Variants in SIRPD observed in about 807,000 individuals in gnomAD.
SIRPD encodes the protein signal regulatory protein delta, also known as signal-regulatory protein delta.
Under a neutral mutation model 18.0 loss-of-function variants are expected in SIRPD, and 21 were observed. The observed-to-expected ratio is 1.17, with a 90% CI of 0.83 to 1.68. SIRPD has a LOEUF of 1.68. Ranked by LOEUF, SIRPD falls within the 40% of genes most tolerant of loss-of-function variation. The pLI, the probability that SIRPD is intolerant of heterozygous loss-of-function variation, is 0.00. For synonymous variants in SIRPD, 106 were observed against 92.9 expected (o/e 1.14, Z -0.81); for missense variants, 295 against 238.4 (o/e 1.24, Z -1.56).
chr20:1,546,805 T>C (rs1206116908), intron 2 of SIRPD, among the ~76,000 whole-genome samples: 2 of 152,258 alleles, frequency 1.3e-5, no homozygotes, highest in Admixed American at 1.3e-4. Flanking sequence ...TATTTCATTA[T>C]AGTTTTGATT....
chr20:1,540,973 C>CT (rs1311065652), intron 2 of SIRPD, among the ~76,000 whole-genome samples: 10 of 152,252 alleles, frequency 6.6e-5, no homozygotes, highest in African/African-American at 2.4e-4. Context: ...TAAACTCATT[C>CT]TTTTTTATGG....
chr20:1,540,927 A>G (rs1294329315), intron 2 of SIRPD, among the ~76,000 whole-genome samples: 3 of 152,124 alleles, frequency 2.0e-5, no homozygotes, highest in Admixed American at 2.0e-4. Flanking sequence ...GCTGAGAATG[A>G]TGGTTTCAGC....
chr20:1,554,807 T>A (rs148863158), intron 1 of SIRPD, among the ~76,000 whole-genome samples: 16 of 152,306 alleles, frequency 1.1e-4, no homozygotes, highest in South Asian at 4.1e-4. Flanking sequence ...GCATTCTCAA[T>A]GAAGTTGCTA....
At chr20:1,551,519 T>C (rs2091018959) in intron 2 of SIRPD, among the ~76,000 whole-genome samples, 172 bp downstream of exon 2, 1 of 152,222 alleles carries the variant, frequency 6.6e-6, no homozygotes, top group Admixed American at 6.5e-5. Flanking sequence ...CAAGTCTTTT[T>C]TTCTTCCTGT....
chr20:1,538,380 T>C (rs2090956453), intron 2 of SIRPD, among the ~76,000 whole-genome samples: 1 of 152,138 alleles, frequency 6.6e-6, no homozygotes, highest in African/African-American at 2.4e-5. Flanking sequence ...CTGGCCAGAG[T>C]GTTCCGTTTA....
chr20:1,557,297 C>G (rs2091045677), intron 1 of SIRPD, among the ~76,000 whole-genome samples: 1 of 151,940 alleles, frequency 6.6e-6, no homozygotes, highest in African/African-American at 2.4e-5. Flanking sequence ...AAATTACACC[C>G]TCCAGAGGCT....
At chr20:1,545,081 G>T (rs767392568) in intron 2 of SIRPD, among the ~76,000 whole-genome samples, 1 of 152,024 alleles carries the variant, frequency 6.6e-6, no homozygotes, top group Non-Finnish European at 1.5e-5. Flanking sequence ...TGAATCTGGC[G>T]ATTGTGTGTC....
intron 3 of SIRPD, among the ~76,000 whole-genome samples, chr20:1,535,095 T>C (rs186572545): frequency 1.3e-5 from 2 of 152,194 alleles, no homozygotes; most frequent in Non-Finnish European, 2.9e-5. Context: ...GAGATTGAAA[T>C]GATAGTGTTG....
intron 2 of SIRPD, among the ~76,000 whole-genome samples, chr20:1,541,059 T>C (rs2090968898): frequency 6.6e-6 from 1 of 152,198 alleles, no homozygotes; most frequent in Non-Finnish European, 1.5e-5. Context: ...TTGGGGTGGT[T>C]TCAAGTCTTT....
chr20:1,538,523 C>T (rs1042864956), intron 2 of SIRPD, among the ~76,000 whole-genome samples: 6 of 152,296 alleles, frequency 3.9e-5, no homozygotes, highest in East Asian at 1.9e-4. Flanking sequence ...CATATGTTCC[C>T]TCCCCCTGAG....
At chr20:1,545,865 A>T (rs901729798) in intron 2 of SIRPD, among the ~76,000 whole-genome samples, 1 of 152,112 alleles carries the variant, frequency 6.6e-6, no homozygotes, top group African/African-American at 2.4e-5. Flanking sequence ...TCCTTTTGAC[A>T]GTCAGGCCAC....
chr20:1,556,761 A>C (rs1449265924), intron 1 of SIRPD, among the ~76,000 whole-genome samples: 1 of 152,236 alleles, frequency 6.6e-6, no homozygotes, highest in Non-Finnish European at 1.5e-5. Flanking sequence ...TCAGAGACAG[A>C]CATGGAACAG....
At chr20:1,536,108 T>C (rs2090944071) in intron 3 of SIRPD, among the ~76,000 whole-genome samples, 2 of 152,202 alleles carry the variant, frequency 1.3e-5, no homozygotes, top group Non-Finnish European at 2.9e-5. Context: ...GAGTGAGAGT[T>C]GCAATGGCCG....
chr20:1,542,282 G>A (rs758981454), intron 2 of SIRPD, among the ~76,000 whole-genome samples: 8 of 151,590 alleles, frequency 5.3e-5, no homozygotes, highest in Non-Finnish European at 1.0e-4. Context: ...AGAGTGGAAT[G>A]TTTTTTGTTT....
chr20:1,547,960 A>G (rs2091001377), intron 2 of SIRPD, among the ~76,000 whole-genome samples: 1 of 152,190 alleles, frequency 6.6e-6, no homozygotes, highest in South Asian at 2.1e-4. Context: ...GAACTTGCTC[A>G]GTAGTTTGAA....
At chr20:1,548,270 A>G (rs1250775790) in intron 2 of SIRPD, among the ~76,000 whole-genome samples, 1 of 152,194 alleles carries the variant, frequency 6.6e-6, no homozygotes, top group African/African-American at 2.4e-5. Flanking sequence ...TCAGGTTGAT[A>G]AAGTTCCCTA....
chr20:1,549,231 A>T (rs1186235413), intron 2 of SIRPD, among the ~76,000 whole-genome samples: 1 of 152,108 alleles, frequency 6.6e-6, no homozygotes, highest in Non-Finnish European at 1.5e-5. Flanking sequence ...TTGATGCAAC[A>T]TTATCATGTT....
At position 1,537,228 on chromosome 20, in the gene SIRPD, C is replaced by CGA. The variant is rs1568665360; in HGVS notation, c.502_503dup (p.Ala169ArgfsTer40). On this transcript the variant is annotated frameshift_variant, in exon 3 of 4. Transcript: ENST00000381623. LOFTEE classifies it high-confidence loss of function. Reference sequence around the variant, plus strand: ...TTGTGCTGTTTCTCTCAGGCAGGGCCGAGAGGCAGGTATGGGCATCATGGT... The same window carrying CGA: ...TTGTGCTGTTTCTCTCAGGCAGGGCCGAGAGAGGCAGGTATGGGCATCATGGT... The CGA allele has an allele frequency of 3.7e-6, 6 of 1,614,012 alleles. No individual in the cohort carries two copies. The highest frequency in any genetic ancestry group is 5.1e-6 in the Non-Finnish European group (6 of 1,179,988).
chr20:1,544,234 T>G (rs976111045), intron 2 of SIRPD, among the ~76,000 whole-genome samples: 3 of 152,200 alleles, frequency 2.0e-5, no homozygotes, highest in African/African-American at 7.2e-5. Flanking sequence ...ACTATTATTG[T>G]GTGGGTGTCT....
Sources: gnomAD v4.1 joint callset for allele counts (sites outside exome capture counted in the v4.1 genomes callset) on GRCh38, gnomAD v4.1.1 for gene constraint, MANE v1.5 for transcripts, NCBI Gene and HGNC (gene_info 2026-07-23, HGNC 2026-07-21) for gene names.